The following CD1D variants were observed in gnomAD, a reference collection of about 807,000 sequenced individuals.
CD1D encodes the protein CD1d molecule, also known as antigen-presenting glycoprotein CD1d.
In CD1D, 40 loss-of-function variants were observed where a neutral mutation model predicts 42.1. That is an observed-to-expected ratio of 0.95 (90% CI 0.74 to 1.24). The LOEUF is 1.24. CD1D is among the 50% of genes most tolerant of loss of function. CD1D has a pLI of 0.00. For missense variants in CD1D, 437 were observed against 416.5 expected (o/e 1.05, Z -0.43); for synonymous variants, 178 against 171.8 (o/e 1.04, Z -0.28).
In CD1D at chr1:158,184,155, C is replaced by T. The variant is rs765869271; in HGVS notation, c.*5C>T. The stretch of plus-strand genomic sequence containing the variant: ...TCCTATCAGGGCGTCCTGTGACTCG[C>T]CTTGCCACATCTGTGTCTCTGGAAC... On this transcript the variant is annotated 3_prime_UTR_variant, in exon 6 of 6. Transcript: ENST00000674085. The T allele has an allele frequency of 6.2e-7, 1 of 1,614,094 alleles. No homozygotes were observed. The highest frequency in any genetic ancestry group is 8.5e-7 in the Non-Finnish European group (1 of 1,179,998).
chr1:158,184,020 G>C lies in CD1D; in HGVS notation c.971G>C (p.Arg324Pro). The change falls in exon 5 of 6, where the codon CGG becomes CCG. Residue 324 changes from arginine to proline, a missense_variant. Transcript: ENST00000674085. Reference protein sequence around the residue: ...LFLLIVGFTSRFKRQTSYQGV... With the variant: ...LFLLIVGFTSPFKRQTSYQGV... Reference sequence around the variant, plus strand: ...CTCCTCATTGTGGGCTTTACCTCCCGGTTTAAGAGGCAAACGTAAGTCTCC... The same window carrying C: ...CTCCTCATTGTGGGCTTTACCTCCCCGTTTAAGAGGCAAACGTAAGTCTCC... 6.2e-7 allele frequency: 1 copy of C among 1,614,026 alleles called. No individual in the cohort carries two copies. Among genetic ancestry groups the C allele is most frequent in the Non-Finnish European group, 8.5e-7 (1 of 1,179,958 alleles).
At chr1:158,180,860 G>A (rs1648356965), upstream of CD1D, 1 of 427,432 alleles carries the variant, frequency 2.3e-6, no homozygotes, top group East Asian at 3.4e-5. Flanking sequence ...TGAAGTGAGC[G>A]GCGGCGCCAG....
At chr1:158,183,641 C>T (rs972826606) in intron 4 of CD1D, among the ~76,000 whole-genome samples, 3 of 152,200 alleles carry the variant, frequency 2.0e-5, no homozygotes, top group Admixed American at 1.3e-4. Context: ...GTTAACTGCC[C>T]GGAGCCACAT....
chr1:158,182,509 T>C (rs924329376), intron 3 of CD1D, 199 bp downstream of exon 3: 1 of 642,572 alleles, frequency 1.6e-6, no homozygotes, highest in East Asian at 2.8e-5. Flanking sequence ...AATGAACAAC[T>C]GGGGGTGAAA....
At chr1:158,180,453 C>G (rs775651644), upstream of CD1D, among the ~76,000 whole-genome samples, 8 of 152,050 alleles carry the variant, frequency 5.3e-5, no homozygotes, top group Non-Finnish European at 1.2e-4. Flanking sequence ...GAAAGAGAGG[C>G]TAGGGAACAC....
rs1648652654 is a variant in CD1D, at chr1:158,185,153, AG to A, written c.*1004del. ...CCCAGCCATGCTGTGTTCTTATCTT[AG>A]AGAGGACAGAGCAGGAAACTTACAG... On this transcript the variant is annotated 3_prime_UTR_variant, in exon 6 of 6. Transcript: ENST00000674085. Among the ~76,000 whole-genome samples the A allele has an allele frequency of 6.6e-6, 1 of 152,184 alleles. No homozygotes were observed. The highest frequency in any genetic ancestry group is 2.4e-5 in the African/African-American group (1 of 41,454).
intron 4 of CD1D, 43 bp downstream of exon 4, chr1:158,183,199 T>C: frequency 6.4e-7 from 1 of 1,564,778 alleles, no homozygotes; most frequent in South Asian, 1.2e-5. Flanking sequence ...CAGGAGGTGG[T>C]CCTCAGGCAT....
upstream of CD1D, among the ~76,000 whole-genome samples, chr1:158,178,221 T>C (rs1235230394): frequency 6.6e-6 from 1 of 152,270 alleles, no homozygotes; most frequent in Non-Finnish European, 1.5e-5. Context: ...ATCACCATTA[T>C]GCTCTGAATA....
chr1:158,183,902 G>C (rs745858652), intron 4 of CD1D, 34 bp from the exon 5 acceptor site: 1 of 1,540,098 alleles, frequency 6.5e-7, no homozygotes, highest in Non-Finnish European at 9.0e-7. Flanking sequence ...GAGGGGTCCT[G>C]TGCTGAGAGA....
intron 3 of CD1D, 22 bp from the exon 4 acceptor site, chr1:158,182,856 C>T (rs368229860): frequency 1.3e-6 from 2 of 1,581,306 alleles, no homozygotes; most frequent in East Asian, 2.2e-5. Flanking sequence ...TAAGATCCCC[C>T]CCATTCCCTT....
Position 158,184,251 on chromosome 1 carries a change from T to A in CD1D, c.*101T>A, listed in dbSNP as rs763790512. On this transcript the variant is annotated 3_prime_UTR_variant, in exon 6 of 6. Transcript: ENST00000674085. The stretch of plus-strand genomic sequence containing the variant: ...GCTCAGGAATTGAAGATGTAAGGAA[T>A]TGAAGATAGGAGAGATACCTTGAAA... 1.4e-5 allele frequency: 17 copies of A among 1,233,972 alleles called. No individual in the cohort carries two copies. The Admixed American group carries it at 3.0e-4, about 22-fold the overall frequency. 76.4% of individuals were successfully genotyped at this position (1,233,972 alleles called of 1,614,324 possible). A position where few individuals can be genotyped will look rare whatever the true frequency, so the allele number is the denominator to read the frequency against.
rs986366494 is a variant in CD1D at position 158,181,162 on chromosome 1, G to A, written c.61G>A (p.Val21Ile). The A allele has an allele frequency of 3.2e-6, 5 of 1,550,240 alleles. No homozygotes were observed. The Admixed American group carries it at 7.9e-5, about 24-fold the overall frequency. ...CCTCCAGGCTTGGGGAAGCGCTGAA[G>A]GTGGGTGGAACGAGGGCGCTTGAGT... ...ALLQAWGSAE[V>I]PQRLFPLRCL... The change falls in exon 1 of 6, where the codon GTC (valine) becomes ATC (isoleucine). Residue 21 changes from valine to isoleucine, a missense_variant and splice_region_variant. By Grantham distance (29) the Val-to-Ile change is conservative. Coordinates refer to ENST00000674085, the MANE Select transcript of CD1D (RefSeq NM_001371762.2).
Position 158,183,060 on chromosome 1 carries a change from C to T in CD1D, c.790C>T (p.Arg264Ter), listed in dbSNP as rs144272399. ...LPNADETWYLRATLDVVAGEA... is the reference protein window; with the variant it reads ...LPNADETWYL ...CAATGCTGACGAGACATGGTATCTC[C>T]GAGCAACCCTGGATGTGGTGGCTGG... The change falls in exon 4 of 6, where the codon CGA (arginine) becomes TGA (stop). Residue 264 changes from arginine (R) to a stop codon, truncating the protein, a stop_gained. Coordinates refer to ENST00000674085, the MANE Select transcript of CD1D (RefSeq NM_001371762.2). LOFTEE classifies it high-confidence loss of function. 5.8e-5 allele frequency: 93 copies of T among 1,614,056 alleles called. No homozygotes were observed. The highest frequency in any genetic ancestry group is 3.3e-4 in the Middle Eastern group (2 of 6,084).
At position 158,182,858 on chromosome 1, in the gene CD1D, C is replaced by T; in HGVS notation, c.608-20C>T. Reference sequence around the variant, plus strand: ...AGAGTTTTCACTTTAAGATCCCCCCCATTCCCTTGTTGGATACAGTGAAGC... The same window carrying T: ...AGAGTTTTCACTTTAAGATCCCCCCTATTCCCTTGTTGGATACAGTGAAGC... On this transcript the variant is annotated intron_variant, in intron 3 of 5. Transcript: ENST00000674085. 6.3e-7 allele frequency: 1 copy of T among 1,582,902 alleles called. No homozygotes were observed. Among genetic ancestry groups the T allele is most frequent in the Non-Finnish European group, 8.6e-7 (1 of 1,162,872 alleles).
chr1:158,181,753 C>T, intron 2 of CD1D, 32 bp downstream of exon 2: 1 of 1,600,398 alleles, frequency 6.2e-7, no homozygotes, highest in Non-Finnish European at 8.5e-7. Flanking sequence ...TGGGCCGGTA[C>T]CCAAGGGGAG....
Position 158,184,190 on chromosome 1 carries a change from C to T in CD1D, c.*40C>T. 1.2e-6 allele frequency: 2 copies of T among 1,610,946 alleles called. No homozygotes were observed. Among genetic ancestry groups the T allele is most frequent in the Non-Finnish European group, 1.7e-6 (2 of 1,177,308 alleles). ...TCTGTGTCTCTGGAACCCAGGACCT[C>T]TGGACCTCAGGTTCCTAAGACTTCA... On this transcript the variant is annotated 3_prime_UTR_variant, in exon 6 of 6. Transcript: ENST00000674085.
chr1:158,182,555 G>A, intron 3 of CD1D: 1 of 601,870 alleles, frequency 1.7e-6, no homozygotes, highest in South Asian at 2.0e-5. Context: ...CTGCTTGGTA[G>A]GGGGATGTTA....
rs957948862 is a variant in CD1D at position 158,185,685 on chromosome 1, TA to T, written c.*1544del. 1.3e-5 allele frequency among the ~76,000 whole-genome samples: 2 copies of T among 151,556 alleles called. No homozygotes were observed. The highest frequency in any genetic ancestry group is 2.1e-4 in the South Asian group (1 of 4,788). The stretch of plus-strand genomic sequence containing the variant: ...AGGATGACAGAGGGAGACCCTGTCT[TA>T]AAAAAAAATTATGCTAGCTTTTAAA... On this transcript the variant is annotated 3_prime_UTR_variant, in exon 6 of 6. Transcript: ENST00000674085.
rs756527425 is a variant in CD1D, at chr1:158,185,352, T to C, written c.*1202T>C. 2.7e-4 allele frequency among the ~76,000 whole-genome samples: 41 copies of C among 152,294 alleles called. No homozygotes were observed. Among genetic ancestry groups the C allele is most frequent in the Non-Finnish European group, 4.7e-4 (32 of 68,020 alleles). ...AAGTAACATTTCACACTCTCTATACTAGACTTGCACATATGAATTTAGGAT... is the reference window on the plus strand; with the variant it reads ...AAGTAACATTTCACACTCTCTATACCAGACTTGCACATATGAATTTAGGAT... On this transcript the variant is annotated 3_prime_UTR_variant, in exon 6 of 6. Transcript: ENST00000674085.
Sources: gnomAD v4.1 joint callset for allele counts (sites outside exome capture counted in the v4.1 genomes callset) on GRCh38, gnomAD v4.1.1 for gene constraint, MANE v1.5 for transcripts, NCBI Gene and HGNC (gene_info 2026-07-23, HGNC 2026-07-21) for gene names.